The following SAMD4A variants were observed in gnomAD, a reference collection of about 807,000 sequenced individuals.
SAMD4A encodes sterile alpha motif domain containing 4A.
Under a neutral mutation model 81.3 loss-of-function variants are expected in SAMD4A, and 33 were observed. The ratio of observed to expected loss-of-function variants is 0.41; its 90% CI spans 0.31 to 0.54. The LOEUF (loss-of-function observed/expected upper bound fraction) is 0.54, where lower values mean the gene tolerates loss of function less well. Among genes scored for constraint, SAMD4A ranks in the 20% least tolerant of loss-of-function variants. The pLI is 0.37. For synonymous variants in SAMD4A, 389 were observed against 382.1 expected, an observed-to-expected ratio of 1.02 and a Z score of -0.21; for missense variants, 854 against 951.1, an observed-to-expected ratio of 0.90 and a Z score of 1.34.
intron 4 of SAMD4A, among the ~76,000 whole-genome samples, chr14:54,738,333 A>G (rs992990710): frequency 9.8e-5 from 15 of 152,318 alleles, no homozygotes; most frequent in African/African-American, 3.4e-4. Flanking sequence ...ACTGGTTATA[A>G]GGGAGCACCG....
intron 3 of SAMD4A, 64 bp from the exon 4 acceptor site, chr14:54,736,960 G>A: frequency 2.5e-6 from 4 of 1,573,532 alleles, no homozygotes; most frequent in Non-Finnish European, 3.5e-6. Context: ...AGGTATTGTG[G>A]GTTCTTCGGT....
At chr14:54,739,050 C>CTTTT (rs780693462) in intron 4 of SAMD4A, among the ~76,000 whole-genome samples, 2 of 50,040 alleles carry the variant, frequency 4.0e-5, no homozygotes, top group East Asian at 5.9e-4. Flanking sequence ...TCTTTCTTTC[C>CTTTT]TTTTCTTTTT....
At position 54,737,140 on chromosome 14, in the gene SAMD4A, G is replaced by C. The variant is rs1400978861; in HGVS notation, c.832G>C (p.Ala278Pro). 6.2e-7 allele frequency: 1 copy of C among 1,614,006 alleles called. No homozygotes were observed. Among genetic ancestry groups the C allele is most frequent in the African/African-American group, 1.3e-5 (1 of 74,904 alleles). Residue 278 changes from alanine to proline, a missense_variant, in exon 4 of 13, where the codon GCT becomes CCT. Transcript: ENST00000554335. ...HGWMSHEDLR[A>P]RGPQCLPSDH... ...ATGGATGTCTCATGAGGACTTACGA[G>C]CTAGAGGACCCCAGTGCCTCCCATC...
chr14:54,612,650 A>G (rs1175542083), intron 2 of SAMD4A, among the ~76,000 whole-genome samples: 1 of 152,184 alleles, frequency 6.6e-6, no homozygotes, highest in African/African-American at 2.4e-5. Flanking sequence ...AAAAATTTGT[A>G]CAAGAAGACT....
upstream of SAMD4A, among the ~76,000 whole-genome samples, chr14:54,565,593 T>C (rs1313822616): frequency 6.6e-6 from 1 of 152,286 alleles, no homozygotes; most frequent in East Asian, 1.9e-4. This position sits in a 1 kb window ranked among gnomAD's most constrained non-coding sequence, Gnocchi z 5.4. Context: ...AGTGCGGCAG[T>C]GACCTCGGGT....
At chr14:54,595,431 T>C in intron 2 of SAMD4A, among the ~76,000 whole-genome samples, 1 of 148,008 alleles carries the variant, frequency 6.8e-6, no homozygotes, top group East Asian at 1.9e-4. Flanking sequence ...ATATATATAT[T>C]ATTATAATAT....
chr14:54,786,350 A>C (rs2039140460), intron 12 of SAMD4A, among the ~76,000 whole-genome samples: 2 of 152,236 alleles, frequency 1.3e-5, no homozygotes, highest in Admixed American at 6.5e-5. Context: ...GGAGGATGCA[A>C]ATATTCTGGA....
chr14:54,612,161 TAAC>T (rs1310516438), intron 2 of SAMD4A, among the ~76,000 whole-genome samples: 1 of 152,148 alleles, frequency 6.6e-6, no homozygotes, highest in African/African-American at 2.4e-5. Context: ...GTTTGGAAAA[TAAC>T]AACTAAAAAT....
chr14:54,743,894 C>T (rs1443797036), intron 4 of SAMD4A, among the ~76,000 whole-genome samples: 1 of 152,238 alleles, frequency 6.6e-6, no homozygotes, highest in Non-Finnish European at 1.5e-5. Flanking sequence ...AGACAAGCTT[C>T]TGTAACCTTG....
At chr14:54,786,254 G>A (rs867477455) in intron 12 of SAMD4A, among the ~76,000 whole-genome samples, 2 of 152,182 alleles carry the variant, frequency 1.3e-5, no homozygotes, top group Admixed American at 6.5e-5. Flanking sequence ...ACCACAGAGC[G>A]TATGATTCCA....
chr14:54,626,018 GT>G lies in SAMD4A; in HGVS notation c.196+57907del, dbSNP rs1566554114. Among the ~76,000 whole-genome samples, 522 of 34,464 alleles carry G rather than the reference GT, an allele frequency of 0.015. 8 individuals are homozygous for G. In the East Asian group the frequency reaches 0.17, roughly 11 times the overall value. 22.6% of individuals were successfully genotyped at this position (34,464 alleles called of 152,430 possible). A position where few individuals can be genotyped will look rare whatever the true frequency, so the allele number is the denominator to read the frequency against. On this transcript the variant is annotated intron_variant, in intron 2 of 12. Coordinates refer to ENST00000554335, the MANE Select transcript of SAMD4A (RefSeq NM_015589.6). Reference sequence around the variant, plus strand: ...CAGAATAGCAGCTCTACTGCTAGGTGTGTGTGTGTGTGTGTGTGTGTGTGTG... The same window carrying G: ...CAGAATAGCAGCTCTACTGCTAGGTGGTGTGTGTGTGTGTGTGTGTGTGTG...
At chr14:54,622,938 C>G (rs915077560) in intron 2 of SAMD4A, among the ~76,000 whole-genome samples, 1 of 152,182 alleles carries the variant, frequency 6.6e-6, no homozygotes, top group African/African-American at 2.4e-5. Flanking sequence ...TTTTTACAGC[C>G]ATCTTAGGCC....
At chr14:54,586,572 G>T (rs1321452856) in intron 2 of SAMD4A, among the ~76,000 whole-genome samples, 2 of 151,918 alleles carry the variant, frequency 1.3e-5, no homozygotes, top group Middle Eastern at 3.2e-3. Flanking sequence ...TCTTATATTT[G>T]TCTTTGATCC....
chr14:54,719,245 A>G (rs1210490274), intron 3 of SAMD4A, among the ~76,000 whole-genome samples: 1 of 151,950 alleles, frequency 6.6e-6, no homozygotes, highest in African/African-American at 2.4e-5. Flanking sequence ...AAGTCTACAC[A>G]ATTGTGTAGA....
intron 3 of SAMD4A, among the ~76,000 whole-genome samples, chr14:54,704,886 C>T (rs1468264010): frequency 6.6e-6 from 1 of 152,196 alleles, no homozygotes; most frequent in South Asian, 2.1e-4. Context: ...AAACTCCAAG[C>T]CTTTGGGTCA....
chr14:54,770,082 A>G (rs1247152240), intron 8 of SAMD4A, 22 bp from the exon 9 acceptor site: 1 of 1,511,752 alleles, frequency 6.6e-7, no homozygotes. Flanking sequence ...CACCCATTTA[A>G]AAGTCCTGTT....
chr14:54,757,383 T>TTGTGTGTGTGTGTGTGTGTGTGTG (rs3051653), intron 6 of SAMD4A, among the ~76,000 whole-genome samples: 4 of 140,062 alleles, frequency 2.9e-5, no homozygotes, highest in African/African-American at 1.1e-4. Context: ...GTTTCTTTAT[T>TTGTGTGTGTGTGTGTGTGTGTGTG]TGTGTGTGTG....
At chr14:54,592,136 G>C (rs1182046005) in intron 2 of SAMD4A, among the ~76,000 whole-genome samples, 1 of 151,194 alleles carries the variant, frequency 6.6e-6, no homozygotes, top group African/African-American at 2.4e-5. Context: ...ATTCTTCCTT[G>C]ACCACCATAG....
intron 2 of SAMD4A, among the ~76,000 whole-genome samples, chr14:54,604,001 T>A (rs773213845): frequency 5.3e-5 from 8 of 152,122 alleles, no homozygotes; most frequent in Non-Finnish European, 1.2e-4. Flanking sequence ...ATTTTTGTAT[T>A]TTTAGTAGAG....
Sources: allele counts gnomAD v4.1 joint callset (sites outside exome capture counted in the v4.1 genomes callset), GRCh38; gene constraint gnomAD v4.1.1; non-coding constraint Gnocchi (gnomAD v3.1); transcripts MANE v1.5; gene names NCBI Gene and HGNC (gene_info 2026-07-23, HGNC 2026-07-21).